Variants in RIMS1 observed in about 807,000 individuals in gnomAD.
The protein encoded by RIMS1 is regulating synaptic membrane exocytosis 1, also known as regulating synaptic membrane exocytosis protein 1.
In RIMS1, 83 loss-of-function variants were observed where a neutral mutation model predicts 214.1. The observed-to-expected ratio is 0.39, with a 90% CI of 0.32 to 0.47. The LOEUF (loss-of-function observed/expected upper bound fraction) is 0.47, where lower values mean the gene tolerates loss of function less well. RIMS1 is among the 20% of genes least tolerant of loss of function. The pLI, the probability that RIMS1 is intolerant of heterozygous loss-of-function variation, is 0.99. For missense variants in RIMS1, 2,050 were observed against 2,161.8 expected (o/e 0.95, Z 1.03); for synonymous variants, 793 against 786.8 (o/e 1.01, Z -0.13).
rs1266588548 is a variant in RIMS1 at position 72,162,510 on chromosome 6, T to C, written c.472-17065T>C. Among the ~76,000 whole-genome samples, 2 of 141,054 alleles carry C rather than the reference T, an allele frequency of 1.4e-5. 1 individual carries two copies. The highest frequency in any genetic ancestry group is 1.5e-4 in the Admixed American group (2 of 13,726). 92.5% of individuals were successfully genotyped at this position (141,054 alleles called of 152,430 possible). A position where few individuals can be genotyped will look rare whatever the true frequency, so the allele number is the denominator to read the frequency against. On this transcript the variant is annotated intron_variant, in intron 4 of 33. Transcript: ENST00000521978. ...ATGGTCTTTACAATTTGGTATGTTTTCGCAGTGGCTGGTACTGGTTGTTCC... is the reference window on the plus strand; with the variant it reads ...ATGGTCTTTACAATTTGGTATGTTTCCGCAGTGGCTGGTACTGGTTGTTCC...
In RIMS1 at chr6:71,984,098, A is replaced by T. The variant is rs1222115564; in HGVS notation, c.245+15035A>T. Among the ~76,000 whole-genome samples the T allele has an allele frequency of 3.9e-5, 6 of 152,312 alleles. No homozygotes were observed. The South Asian group carries it at 1.2e-3, about 32-fold the overall frequency. On this transcript the variant is annotated intron_variant, in intron 2 of 33. Coordinates refer to ENST00000521978, the MANE Select transcript of RIMS1 (RefSeq NM_014989.7). ...TAATCAATTGTAAGTATAGTTGGTTATTTCAATAGCTATAACCAGAATGTA... is the reference window on the plus strand; with the variant it reads ...TAATCAATTGTAAGTATAGTTGGTTTTTTCAATAGCTATAACCAGAATGTA...
chr6:72,253,716 A>G (rs1023260314), intron 16 of RIMS1, among the ~76,000 whole-genome samples: 5 of 152,110 alleles, frequency 3.3e-5, no homozygotes, highest in African/African-American at 4.8e-5. Context: ...TTTGAGGGCA[A>G]TGGTTTTGCT....
At chr6:72,107,038 A>C (rs942363716) in intron 4 of RIMS1, among the ~76,000 whole-genome samples, 1 of 152,158 alleles carries the variant, frequency 6.6e-6, no homozygotes, top group Non-Finnish European at 1.5e-5. Context: ...AGAGCTGTCT[A>C]TCAAAGGGTC....
chr6:71,983,847 T>C (rs1376073095), intron 2 of RIMS1, among the ~76,000 whole-genome samples: 1 of 152,230 alleles, frequency 6.6e-6, no homozygotes, highest in African/African-American at 2.4e-5. Context: ...TAAAAGATGT[T>C]CTTTCTTAAA....
chr6:71,945,099 T>A (rs993606287), intron 1 of RIMS1, among the ~76,000 whole-genome samples: 1 of 152,132 alleles, frequency 6.6e-6, no homozygotes, highest in African/African-American at 2.4e-5. Context: ...GAAAAAGTGG[T>A]AATTTGGACA....
chr6:72,265,463 A>G lies in RIMS1; in HGVS notation c.3268A>G (p.Asn1090Asp), dbSNP rs749292258. 6.2e-7 allele frequency: 1 copy of G among 1,607,668 alleles called. No individual in the cohort carries two copies. Among genetic ancestry groups the G allele is most frequent in the Non-Finnish European group, 8.5e-7 (1 of 1,174,976 alleles). ...QDISLHHECF[N>D]STVLRFTDEI... ...CATTTCCCTTCATCATGAATGCTTT[A>G]ACTCAACAGTATTGAGATTTACTGA... is the stretch of plus-strand genomic sequence containing the variant. Residue 1090 changes from asparagine (N) to aspartate (D), a missense_variant, in exon 21 of 34, where the codon AAC (asparagine) becomes GAC (aspartate). By Grantham distance (23) the Asn-to-Asp change is conservative. Coordinates refer to ENST00000521978, the MANE Select transcript of RIMS1 (RefSeq NM_014989.7).
intron 6 of RIMS1, among the ~76,000 whole-genome samples, chr6:72,191,058 C>A (rs569490830): frequency 6.6e-6 from 1 of 152,292 alleles, no homozygotes; most frequent in Admixed American, 6.5e-5. Flanking sequence ...CCTCAGACAC[C>A]ATTAGATCTG....
At chr6:72,237,973 A>G (rs1314712825) in intron 9 of RIMS1, 51 bp downstream of exon 9, 4 of 1,303,982 alleles carry the variant, frequency 3.1e-6, no homozygotes, top group Middle Eastern at 1.9e-4. Flanking sequence ...ATGCATGAAC[A>G]TGAATTGGTG....
intron 2 of RIMS1, among the ~76,000 whole-genome samples, chr6:72,003,626 G>C (rs1584616639): frequency 1.3e-5 from 2 of 152,058 alleles, no homozygotes; most frequent in Middle Eastern, 3.4e-3. Flanking sequence ...GTGTGTGTGT[G>C]TGTCTGTGTG....
chr6:71,903,070 A>G (rs997980771), intron 1 of RIMS1, among the ~76,000 whole-genome samples: 2 of 152,080 alleles, frequency 1.3e-5, no homozygotes, highest in East Asian at 1.9e-4. Context: ...GTCAAATGCT[A>G]TTTCTGAGTC....
chr6:72,383,124 A>C (rs1446453090), intron 29 of RIMS1, among the ~76,000 whole-genome samples: 1 of 152,156 alleles, frequency 6.6e-6, no homozygotes, highest in Non-Finnish European at 1.5e-5. Flanking sequence ...GCTGCGACTC[A>C]CACTCACTGC....
At position 72,179,878 on chromosome 6, in the gene RIMS1, G is replaced by C. The variant is rs1334387532; in HGVS notation, c.775G>C (p.Ala259Pro). 3.2e-6 allele frequency: 5 copies of C among 1,573,726 alleles called. No individual in the cohort carries two copies. Among genetic ancestry groups the C allele is most frequent in the Non-Finnish European group, 4.3e-6 (5 of 1,160,728 alleles). ...AGCCTTGGGGCCTGAACAGAAGCAGGCTTCATCCAGGTCTAGAAGTGAACC... is the reference window on the plus strand; with the variant it reads ...AGCCTTGGGGCCTGAACAGAAGCAGCCTTCATCCAGGTCTAGAAGTGAACC... ...QQALGPEQKQ[A>P]SSRSRSEPPR... Residue 259 changes from alanine to proline, a missense_variant, in exon 5 of 34, where the codon GCT becomes CCT. By Grantham distance (27) the Ala-to-Pro change is conservative. Coordinates refer to ENST00000521978, the MANE Select transcript of RIMS1 (RefSeq NM_014989.7).
intron 2 of RIMS1, among the ~76,000 whole-genome samples, chr6:72,016,052 TC>T (rs1196425301): frequency 2.0e-5 from 3 of 149,308 alleles, no homozygotes; most frequent in Middle Eastern, 3.4e-3. Flanking sequence ...TTTATCTGCA[TC>T]TTTTGGATGA....
At chr6:72,189,742 A>G (rs1213442195) in intron 6 of RIMS1, among the ~76,000 whole-genome samples, 2 of 152,206 alleles carry the variant, frequency 1.3e-5, no homozygotes, top group South Asian at 2.1e-4. Context: ...CGTAACCTCC[A>G]TTCCTGCCAC....
intron 1 of RIMS1, among the ~76,000 whole-genome samples, chr6:71,930,694 G>A (rs1427778097): frequency 2.0e-5 from 3 of 151,966 alleles, no homozygotes; most frequent in Non-Finnish European, 4.4e-5. Context: ...TGACAAACTC[G>A]AAATTCCTTT....
intron 2 of RIMS1, among the ~76,000 whole-genome samples, chr6:72,031,059 C>T (rs1427873087): frequency 3.9e-5 from 6 of 152,134 alleles, no homozygotes; most frequent in Non-Finnish European, 7.4e-5. Flanking sequence ...AAATACAACA[C>T]ATGGCATGAC....
intron 26 of RIMS1, 113 bp from the exon 27 acceptor site, chr6:72,307,145 T>G (rs1245119900): frequency 2.9e-6 from 2 of 688,894 alleles, no homozygotes; most frequent in Non-Finnish European, 5.1e-6. Flanking sequence ...TCATGTGTTA[T>G]TTCTAAATTT....
chr6:71,940,349 G>A (rs902551699), intron 1 of RIMS1, among the ~76,000 whole-genome samples: 2 of 152,136 alleles, frequency 1.3e-5, no homozygotes, highest in Non-Finnish European at 2.9e-5. Context: ...CACACATGGA[G>A]TCCAGCAAAA....
chr6:72,392,860 CAA>C (rs767210758), intron 31 of RIMS1, 50 bp downstream of exon 31: 13 of 1,292,796 alleles, frequency 1.0e-5, no homozygotes, highest in Non-Finnish European at 1.4e-5. Flanking sequence ...TTGTGTTTGA[CAA>C]AGTCATTTAA....
Sources: gnomAD v4.1 joint callset for allele counts (sites outside exome capture counted in the v4.1 genomes callset) on GRCh38, gnomAD v4.1.1 for gene constraint, MANE v1.5 for transcripts, NCBI Gene and HGNC (gene_info 2026-07-23, HGNC 2026-07-21) for gene names.